The following PCDH11Y variants were observed in gnomAD, a reference collection of about 807,000 sequenced individuals.
The protein encoded by PCDH11Y is protocadherin-11 Y-linked.
For synonymous variants in PCDH11Y, 9 were observed against 83.6 expected, an observed-to-expected ratio of 0.11 and a Z score of 4.87; for missense variants, 12 against 224.8, an observed-to-expected ratio of 0.05 and a Z score of 6.05.
intron 2 of PCDH11Y, among the ~76,000 whole-genome samples, chrY:5,450,247 T>TA (rs2053292101): frequency 3.0e-5 from 1 of 32,863 alleles, no homozygotes; most frequent in Admixed American, 2.8e-4. Flanking sequence ...TAGAAAAAAA[T>TA]AAAAAAAGGA....
chrY:5,278,126 C>T, intron 2 of PCDH11Y, among the ~76,000 whole-genome samples: 2 of 29,908 alleles, frequency 6.7e-5, no homozygotes, highest in Non-Finnish European at 1.6e-4. Context: ...TAAGGAGCAG[C>T]GGAAGAACTG....
chrY:5,465,442 A>G, intron 2 of PCDH11Y, among the ~76,000 whole-genome samples: 1 of 32,590 alleles, frequency 3.1e-5, no homozygotes, highest in African/African-American at 1.2e-4. Flanking sequence ...CGACTAATGC[A>G]TGACATCTTT....
intron 2 of PCDH11Y, among the ~76,000 whole-genome samples, chrY:5,334,522 G>A (rs2053134316): frequency 1.5e-4 from 5 of 34,089 alleles, no homozygotes; most frequent in South Asian, 1.3e-3. Flanking sequence ...GCTATTGACC[G>A]ATGGAGCTGC....
chrY:5,169,793 C>G, intron 2 of PCDH11Y, among the ~76,000 whole-genome samples: 1 of 31,866 alleles, frequency 3.1e-5, no homozygotes, highest in Non-Finnish European at 7.7e-5. Context: ...TTTGCCTTAA[C>G]TAAATATTAA....
intron 2 of PCDH11Y, among the ~76,000 whole-genome samples, chrY:5,302,705 T>TA (rs2053084851): frequency 1.3e-4 from 4 of 30,470 alleles, no homozygotes; most frequent in African/African-American, 3.8e-4. Context: ...TCACCAGTTA[T>TA]AAAAAAAAAT....
chrY:5,044,676 C>T, intron 3 of PCDH11Y, among the ~76,000 whole-genome samples: 1 of 32,761 alleles, frequency 3.1e-5, no homozygotes, highest in African/African-American at 1.2e-4. Context: ...TGTTGACTTT[C>T]TGTCTAGTTG....
chrY:5,001,601 T>C, intron 1 of PCDH11Y, among the ~76,000 whole-genome samples: 3 of 34,067 alleles, frequency 8.8e-5, no homozygotes, highest in African/African-American at 3.5e-4. Flanking sequence ...GAAAGTAATG[T>C]ACCTTTTAAA....
At chrY:5,279,139 G>A (rs2053048261) in intron 2 of PCDH11Y, among the ~76,000 whole-genome samples, 64 of 32,237 alleles carry the variant, frequency 2.0e-3, no homozygotes, top group African/African-American at 6.4e-3. Context: ...GGTGGCTCAC[G>A]CCTGTAATCT....
chrY:5,486,730 C>CATAT (rs2053333161), intron 2 of PCDH11Y, among the ~76,000 whole-genome samples: 1 of 4,766 alleles, frequency 2.1e-4, no homozygotes, highest in Non-Finnish European at 3.3e-4. Context: ...TATATATACA[C>CATAT]ATATATATAT....
intron 4 of PCDH11Y, among the ~76,000 whole-genome samples, chrY:5,603,926 A>AG (rs2053476462): frequency 3.2e-5 from 1 of 30,982 alleles, no homozygotes; most frequent in Non-Finnish European, 7.8e-5. Context: ...AAAGAAAGAA[A>AG]AGAAAGAAAG....
chrY:5,366,447 G>T (rs2124672540), intron 2 of PCDH11Y, among the ~76,000 whole-genome samples: 9 of 33,136 alleles, frequency 2.7e-4, no homozygotes, highest in Admixed American at 2.0e-3. Context: ...TATTCTACTT[G>T]TTCTAAATCA....
At chrY:5,685,787 G>A in intron 4 of PCDH11Y, among the ~76,000 whole-genome samples, 3 of 30,583 alleles carry the variant, frequency 9.8e-5, no homozygotes, top group Admixed American at 3.0e-4. Flanking sequence ...TTATTACCCA[G>A]AGGAATATGA....
chrY:5,487,239 G>A (rs2053334547), intron 2 of PCDH11Y, among the ~76,000 whole-genome samples: 1 of 31,282 alleles, frequency 3.2e-5, no homozygotes, highest in Admixed American at 3.0e-4. Flanking sequence ...TTGCTCTGTC[G>A]CCCAGGCTGG....
At chrY:5,147,480 C>T in intron 2 of PCDH11Y, among the ~76,000 whole-genome samples, 2 of 29,529 alleles carry the variant, frequency 6.8e-5, no homozygotes, top group Admixed American at 3.2e-4. Flanking sequence ...CTTAGGATCA[C>T]ACAATATTCC....
chrY:5,212,338 C>A (rs1602887068), intron 2 of PCDH11Y, among the ~76,000 whole-genome samples: 1 of 25,451 alleles, frequency 3.9e-5, no homozygotes, highest in South Asian at 8.9e-4. Flanking sequence ...TTTTTTTTTG[C>A]ATTTCACAAA....
chrY:5,415,191 G>C, intron 2 of PCDH11Y, among the ~76,000 whole-genome samples: 2 of 33,727 alleles, frequency 5.9e-5, no homozygotes, highest in Non-Finnish European at 1.5e-4. Context: ...GCAAGGCTCA[G>C]CTCAGCACTC....
intron 4 of PCDH11Y, among the ~76,000 whole-genome samples, chrY:5,593,541 G>A: frequency 3.1e-5 from 1 of 32,772 alleles, no homozygotes. Flanking sequence ...GTGAAGAACC[G>A]TTGCTAGAGA....
intron 4 of PCDH11Y, among the ~76,000 whole-genome samples, chrY:5,643,745 T>C (rs2124705331): frequency 7.5e-5 from 2 of 26,568 alleles, no homozygotes; most frequent in African/African-American, 3.0e-4. Flanking sequence ...AACTGCCCAG[T>C]TGTCAGTAAC....
intron 4 of PCDH11Y, among the ~76,000 whole-genome samples, chrY:5,647,023 C>A (rs1602955969): frequency 3.5e-3 from 118 of 33,732 alleles, no homozygotes; most frequent in African/African-American, 0.012. Flanking sequence ...CAAGATCCAA[C>A]TGAATTGTTC....
Sources: gnomAD v4.1 joint callset for allele counts (sites outside exome capture counted in the v4.1 genomes callset) on GRCh38, gnomAD v4.1.1 for gene constraint, MANE v1.5 for transcripts, NCBI Gene and HGNC (gene_info 2026-07-23, HGNC 2026-07-21) for gene names.